The following CNTNAP2 variants were observed in gnomAD, a reference collection of about 807,000 sequenced individuals.
The protein encoded by CNTNAP2 is contactin associated protein 2.
In CNTNAP2, 98 loss-of-function variants were observed where a neutral mutation model predicts 155.2. That is an observed-to-expected ratio of 0.63 (90% CI 0.54 to 0.75). CNTNAP2 has a LOEUF of 0.75. CNTNAP2 is among the 30% of genes least tolerant of loss of function. The pLI, the probability that CNTNAP2 is intolerant of heterozygous loss-of-function variation, is 0.00. For missense variants in CNTNAP2, 1,727 were observed against 1,688.1 expected (o/e 1.02, Z -0.40); for synonymous variants, 651 against 631.2 (o/e 1.03, Z -0.47).
At chr7:147,286,124 GA>G (rs1805168892) in intron 8 of CNTNAP2, among the ~76,000 whole-genome samples, 1 of 151,954 alleles carries the variant, frequency 6.6e-6, no homozygotes, top group African/African-American at 2.4e-5. Flanking sequence ...TATATCCTCA[GA>G]AAAAGTCAGA....
chr7:146,501,986 CTCTT>C, intron 1 of CNTNAP2, among the ~76,000 whole-genome samples: 1 of 151,918 alleles, frequency 6.6e-6, no homozygotes, highest in Non-Finnish European at 1.5e-5. Flanking sequence ...TAACCAACCT[CTCTT>C]TATTCCTCTC....
At chr7:148,321,409 G>A (rs1038514110) in intron 21 of CNTNAP2, among the ~76,000 whole-genome samples, 1 of 152,202 alleles carries the variant, frequency 6.6e-6, no homozygotes, top group African/African-American at 2.4e-5. Context: ...GGTGGACAGA[G>A]GCTGGTGGCA....
chr7:148,067,913 T>C (rs1803298510), intron 15 of CNTNAP2, among the ~76,000 whole-genome samples: 1 of 152,196 alleles, frequency 6.6e-6, no homozygotes, highest in East Asian at 1.9e-4. Flanking sequence ...GTCATATAGG[T>C]TTCCAGGGAA....
chr7:147,578,273 T>C (rs890803614), intron 12 of CNTNAP2, among the ~76,000 whole-genome samples: 6 of 152,132 alleles, frequency 3.9e-5, no homozygotes, highest in African/African-American at 1.4e-4. Context: ...AGGAGATTGG[T>C]TGATAAAACA....
intron 2 of CNTNAP2, among the ~76,000 whole-genome samples, chr7:146,827,530 A>G (rs1803430320): frequency 1.3e-5 from 2 of 151,664 alleles, no homozygotes; most frequent in African/African-American, 4.8e-5. Context: ...AGAGAGAATA[A>G]CATCTTGAGA....
intron 18 of CNTNAP2, 121 bp from the exon 19 acceptor site, chr7:148,217,167 C>G: frequency 1.1e-6 from 1 of 874,420 alleles, no homozygotes; most frequent in East Asian, 2.4e-5. Flanking sequence ...CTCCATAGAA[C>G]TTACTCAGAT....
At chr7:147,095,565 C>G (rs913318839) in intron 4 of CNTNAP2, among the ~76,000 whole-genome samples, 3 of 151,680 alleles carry the variant, frequency 2.0e-5, no homozygotes, top group Non-Finnish European at 2.9e-5. Flanking sequence ...TATTTCAAAT[C>G]TCAGTGAATA....
chr7:146,629,472 T>C (rs1471324550), intron 1 of CNTNAP2, among the ~76,000 whole-genome samples: 1 of 152,168 alleles, frequency 6.6e-6, no homozygotes, highest in Non-Finnish European at 1.5e-5. Flanking sequence ...AGCAGTTGAA[T>C]AGTTTCTCTA....
rs537186188 is a variant in CNTNAP2, at chr7:146,351,087, A to G, written c.97+234114A>G. On this transcript the variant is annotated intron_variant, in intron 1 of 23. Coordinates refer to ENST00000361727, the MANE Select transcript of CNTNAP2 (RefSeq NM_014141.6). ...GAGATACACCTAATGCTAAATGATG[A>G]GTTAATGGGTGCAGCACACCAGCAT... 4.0e-5 allele frequency among the ~76,000 whole-genome samples: 6 copies of G among 151,530 alleles called. No homozygotes were observed. In the East Asian group the frequency reaches 9.7e-4, roughly 25 times the overall value.
chr7:146,637,085 A>G (rs770284388), intron 1 of CNTNAP2, among the ~76,000 whole-genome samples: 27 of 152,184 alleles, frequency 1.8e-4, no homozygotes, highest in Non-Finnish European at 3.4e-4. Flanking sequence ...TGAGAGAAAT[A>G]GTGGTTTATT....
At position 146,359,183 on chromosome 7, in the gene CNTNAP2, A is replaced by G. The variant is rs1451823039; in HGVS notation, c.97+242210A>G. Among the ~76,000 whole-genome samples the G allele has an allele frequency of 5.2e-5, 8 of 152,382 alleles. No homozygotes were observed. In the South Asian group the frequency reaches 1.7e-3, roughly 32 times the overall value. On this transcript the variant is annotated intron_variant, in intron 1 of 23. Coordinates refer to ENST00000361727, the MANE Select transcript of CNTNAP2 (RefSeq NM_014141.6). The stretch of plus-strand genomic sequence containing the variant: ...AATGTGTGAGACTGGGCACAATGCC[A>G]TTGTAATGAAGCATAAGGCATAGAC...
chr7:147,254,593 G>A (rs1346033380), intron 8 of CNTNAP2, among the ~76,000 whole-genome samples: 1 of 151,968 alleles, frequency 6.6e-6, no homozygotes, highest in African/African-American at 2.4e-5. Flanking sequence ...GTGTGTCAAA[G>A]TTTAATATAA....
At chr7:147,412,514 T>A (rs1797122401) in intron 10 of CNTNAP2, among the ~76,000 whole-genome samples, 1 of 152,180 alleles carries the variant, frequency 6.6e-6, no homozygotes, top group South Asian at 2.1e-4. Flanking sequence ...AATTACATCT[T>A]TTCTTCTTCT....
chr7:148,382,520 G>GAGAC (rs1799089051), intron 21 of CNTNAP2, among the ~76,000 whole-genome samples: 1 of 152,164 alleles, frequency 6.6e-6, no homozygotes, highest in African/African-American at 2.4e-5. Context: ...TCTAAAAGAG[G>GAGAC]AGACAAAACT....
chr7:148,271,017 A>G (rs1796768430), intron 21 of CNTNAP2, among the ~76,000 whole-genome samples: 1 of 152,244 alleles, frequency 6.6e-6, no homozygotes, highest in African/African-American at 2.4e-5. Flanking sequence ...AAAGGGCTCA[A>G]AAAATACTTG....
At chr7:147,389,711 T>C (rs1372181941) in intron 9 of CNTNAP2, among the ~76,000 whole-genome samples, 1 of 152,220 alleles carries the variant, frequency 6.6e-6, no homozygotes, top group Admixed American at 6.5e-5. Context: ...GAAAGTAAGA[T>C]GCAATTGAGA....
intron 9 of CNTNAP2, among the ~76,000 whole-genome samples, chr7:147,348,899 C>T (rs1301213691): frequency 6.6e-6 from 1 of 151,954 alleles, no homozygotes; most frequent in Non-Finnish European, 1.5e-5. Context: ...AAGTTCACCA[C>T]CACATGTTCT....
At position 147,225,985 on chromosome 7, in the gene CNTNAP2, G is replaced by C. The variant is rs183731368; in HGVS notation, c.1349-74156G>C. Among the ~76,000 whole-genome samples the C allele has an allele frequency of 4.2e-3, 639 of 151,126 alleles. 3 individuals carry two copies. Among genetic ancestry groups the C allele is most frequent in the African/African-American group, 0.015 (606 of 41,154 alleles). ...AAAGGAAGAAAGAGAGAAAGAAAGA[G>C]AGAAAGAAAGAAAGAAAGAATGAAA... On this transcript the variant is annotated intron_variant, in intron 8 of 23. Coordinates refer to ENST00000361727, the MANE Select transcript of CNTNAP2 (RefSeq NM_014141.6).
rs1339259940 is a variant in CNTNAP2, at chr7:147,173,204, T to G, written c.1348+40695T>G. On this transcript the variant is annotated intron_variant, in intron 8 of 23. Coordinates refer to ENST00000361727, the MANE Select transcript of CNTNAP2 (RefSeq NM_014141.6). ...GGAAATGAGCATTATTCCCAACAAC[T>G]ATAATAACATATTTAAAAATGGATT... Among the ~76,000 whole-genome samples the G allele has an allele frequency of 2.0e-5, 3 of 152,152 alleles. No individual in the cohort carries two copies. In the East Asian group the frequency reaches 5.8e-4, roughly 29 times the overall value.
Sources: gnomAD v4.1 joint callset for allele counts (sites outside exome capture counted in the v4.1 genomes callset) on GRCh38, gnomAD v4.1.1 for gene constraint, MANE v1.5 for transcripts, NCBI Gene and HGNC (gene_info 2026-07-23, HGNC 2026-07-21) for gene names.